NOP9: variants seen among roughly 807,000 people sequenced by gnomAD.
NOP9 encodes nucleolar protein 9.
Under a neutral mutation model 63.0 loss-of-function variants are expected in NOP9, and 50 were observed. That is an observed-to-expected ratio of 0.79 (90% confidence interval 0.63 to 1.00). NOP9 has a LOEUF of 1.00. NOP9 is among the 50% of genes least tolerant of loss of function. The probability of loss-of-function intolerance (pLI) is 0.00; values close to 1 mark genes in which losing one functional copy is unlikely to be tolerated. For synonymous variants in NOP9, 343 were observed against 332.8 expected, an observed-to-expected ratio of 1.03 and a Z score of -0.33; for missense variants, 758 against 803.0, an observed-to-expected ratio of 0.94 and a Z score of 0.68.
At chr14:24,275,058 A>G in the NOP9 span, among the ~76,000 whole-genome samples, 1 of 151,426 alleles carries the variant, frequency 6.6e-6, no homozygotes, top group Non-Finnish European at 1.5e-5. Context: ...GATTACAGGC[A>G]TGCACCACCA....
At position 24,300,142 on chromosome 14, in the gene NOP9, G is replaced by A; in HGVS notation, c.188G>A (p.Gly63Glu). The change falls in exon 1 of 10, where the codon GGA (glycine) becomes GAA (glutamate). Residue 63 changes from glycine to glutamate, a missense_variant. Physicochemically the swap from Gly to Glu is moderately conservative, Grantham distance 98 (BLOSUM62 -2). Coordinates refer to ENST00000267425, the MANE Select transcript of NOP9 (RefSeq NM_174913.3). ...SHPHLSPEALGYFRRALSALK... is the reference protein window; with the variant it reads ...SHPHLSPEALEYFRRALSALK... Reference sequence around the variant, plus strand: ...CCGCACCTGAGCCCGGAAGCTCTGGGATATTTCCGCCGGGCGCTGTCAGCA... The same window carrying A: ...CCGCACCTGAGCCCGGAAGCTCTGGAATATTTCCGCCGGGCGCTGTCAGCA... The A allele has an allele frequency of 6.2e-7, 1 of 1,614,042 alleles. No homozygotes were observed. The highest frequency in any genetic ancestry group is 8.5e-7 in the Non-Finnish European group (1 of 1,180,012).
rs148479739 is a variant in NOP9, at chr14:24,300,451, C to T, written c.291C>T (p.Ala97=). Residue 97 remains alanine, a synonymous_variant, in exon 2 of 10, where the codon GCC becomes GCT. Coordinates refer to ENST00000267425, the MANE Select transcript of NOP9 (RefSeq NM_174913.3). ...HNIMKEVETQ[A]LALSTNRTGS... The stretch of plus-strand genomic sequence containing the variant: ...TAATGAAGGAAGTAGAGACTCAGGC[C>T]CTAGCTTTGTCCACGAACAGGACTG... 9.3e-6 allele frequency: 15 copies of T among 1,614,096 alleles called. No homozygotes were observed. Among genetic ancestry groups the T allele is most frequent in the African/African-American group, 5.3e-5 (4 of 75,028 alleles).
Position 24,305,550 on chromosome 14 carries a change from C to T in NOP9, c.*455C>T. On this transcript the variant is annotated 3_prime_UTR_variant, in exon 10 of 10. Coordinates refer to ENST00000267425, the MANE Select transcript of NOP9 (RefSeq NM_174913.3). ...GGGTGGGTTATCTAGCCTGTACTGTCTGCAGGTCCTGAAATTTGATGCTGT... is the reference window on the plus strand; with the variant it reads ...GGGTGGGTTATCTAGCCTGTACTGTTTGCAGGTCCTGAAATTTGATGCTGT... The T allele has an allele frequency of 6.5e-7, 1 of 1,529,218 alleles. No homozygotes were observed. The highest frequency in any genetic ancestry group is 1.4e-5 in the African/African-American group (1 of 72,578). The allele number at this position is 1,529,218 out of a possible 1,614,324, so 94.7% of individuals were successfully genotyped here.
At chr14:24,278,168 G>A in the NOP9 span, among the ~76,000 whole-genome samples, 2 of 152,204 alleles carry the variant, frequency 1.3e-5, no homozygotes, top group Admixed American at 1.3e-4. Context: ...GAGATACTCA[G>A]TGAAGTCACA....
chr14:24,298,940 C>A, upstream of NOP9: 1 of 1,592,280 alleles, frequency 6.3e-7, no homozygotes, highest in Non-Finnish European at 8.6e-7. Context: ...AACTGTGGTC[C>A]CAGAGGAAGC....
chr14:24,271,312 T>C, the NOP9 span: 11 of 569,302 alleles, frequency 1.9e-5, no homozygotes, highest in African/African-American at 2.1e-4. Context: ...CCACAAGAGG[T>C]GAGCACCCGG....
Position 24,306,470 on chromosome 14 carries a change from ATCC to A in NOP9, c.*1381_*1383del. The A allele has an allele frequency of 6.2e-7, 1 of 1,614,190 alleles. No individual in the cohort carries two copies. The highest frequency in any genetic ancestry group is 8.5e-7 in the Non-Finnish European group (1 of 1,180,024). On this transcript the variant is annotated 3_prime_UTR_variant, in exon 10 of 10. Transcript: ENST00000267425. ...AGTCCTCACTGTCCACTGCAGTTCC[ATCC>A]TCCTCTAGCACCAGGGTTAGCACTC... is the stretch of plus-strand genomic sequence containing the variant.
At position 24,303,803 on chromosome 14, in the gene NOP9, T is replaced by C; in HGVS notation, c.1356T>C (p.Tyr452=). 1.9e-6 allele frequency: 3 copies of C among 1,614,074 alleles called. No individual in the cohort carries two copies. The highest frequency in any genetic ancestry group is 1.7e-6 in the Non-Finnish European group (2 of 1,179,902). The change falls in exon 7 of 10, where the codon TAT becomes TAC. Residue 452 remains tyrosine (Y), a synonymous_variant. Coordinates refer to ENST00000267425, the MANE Select transcript of NOP9 (RefSeq NM_174913.3). The part of the protein sequence containing the change: ...CVPLFATLMA[Y]EVYYGLTEEE... The stretch of plus-strand genomic sequence containing the variant: ...CTCTCTTTGCCACTTTGATGGCTTA[T>C]GAGGTGTACTATGGACTGACGGAGG...
chr14:24,278,221 G>A, the NOP9 span, among the ~76,000 whole-genome samples: 1 of 152,148 alleles, frequency 6.6e-6, no homozygotes, highest in Non-Finnish European at 1.5e-5. Flanking sequence ...CTGGAGGTGG[G>A]GCCAGGTTTG....
At chr14:24,296,679 T>C, upstream of NOP9, 1 of 1,613,504 alleles carries the variant, frequency 6.2e-7, no homozygotes, top group South Asian at 1.1e-5. Flanking sequence ...GGGATGAAGA[T>C]GCAGGGGTCT....
chr14:24,293,940 A>G, the NOP9 span: 1 of 152,254 alleles, frequency 6.6e-6, no homozygotes, highest in East Asian at 1.9e-4. Context: ...AATTAGATAC[A>G]AGTGTATGTG....
At position 24,305,342 on chromosome 14, in the gene NOP9, A is replaced by G; in HGVS notation, c.*247A>G. The stretch of plus-strand genomic sequence containing the variant: ...GCATTGGTAGGGGATTAGATGTAGC[A>G]GCAGTCAGGCTGGGATCAAGATGCC... On this transcript the variant is annotated 3_prime_UTR_variant, in exon 10 of 10. Transcript: ENST00000267425. The G allele has an allele frequency of 1.8e-6, 1 of 560,440 alleles. No individual in the cohort carries two copies. Among genetic ancestry groups the G allele is most frequent in the Non-Finnish European group, 3.0e-6 (1 of 332,426 alleles). 34.7% of individuals were successfully genotyped at this position (560,440 alleles called of 1,614,324 possible).
chr14:24,295,912 T>C (rs1475147538), upstream of NOP9, among the ~76,000 whole-genome samples: 1 of 152,196 alleles, frequency 6.6e-6, no homozygotes, highest in African/African-American at 2.4e-5. Flanking sequence ...ATGACTTGAT[T>C]ATATGAGAGT....
the NOP9 span, chr14:24,291,379 C>T: frequency 2.9e-6 from 3 of 1,047,560 alleles, no homozygotes; most frequent in Non-Finnish European, 4.4e-6. Flanking sequence ...TTCCCAGGAG[C>T]CTGCTCCTAA....
chr14:24,272,263 G>A, the NOP9 span, among the ~76,000 whole-genome samples: 107 of 152,330 alleles, frequency 7.0e-4, 1 homozygote, highest in African/African-American at 6.3e-4. Context: ...TGTCTTGCAA[G>A]CTTAAATAAC....
chr14:24,282,151 C>T, the NOP9 span, among the ~76,000 whole-genome samples: 1 of 152,228 alleles, frequency 6.6e-6, no homozygotes, highest in African/African-American at 2.4e-5. Context: ...AGCGCCACTG[C>T]ACTCCAGCCT....
At chr14:24,277,663 T>C in the NOP9 span, among the ~76,000 whole-genome samples, 14 of 152,346 alleles carry the variant, frequency 9.2e-5, no homozygotes, top group Non-Finnish European at 1.3e-4. Context: ...AGCCTGGCCT[T>C]GTGCTCAGGC....
intron 7 of NOP9, 71 bp from the exon 8 acceptor site, chr14:24,303,970 C>A: frequency 6.4e-7 from 1 of 1,574,398 alleles, no homozygotes; most frequent in Non-Finnish European, 8.7e-7. Context: ...GTGGAGGTGG[C>A]AGTGTTCTGG....
rs1434980915 is a variant in NOP9 at position 24,306,357 on chromosome 14, C to G, written c.*1262C>G. On this transcript the variant is annotated 3_prime_UTR_variant, in exon 10 of 10. Transcript: ENST00000267425. ...AAAGGACAGGCATTGGAAGCAGCCC[C>G]AGTATAGGCCTCTTACCCTTGTAGG... 1 of 1,614,106 alleles carries G rather than the reference C, an allele frequency of 6.2e-7. No individual in the cohort carries two copies. Among genetic ancestry groups the G allele is most frequent in the South Asian group, 1.1e-5 (1 of 91,082 alleles).
Sources: gnomAD v4.1 joint callset for allele counts (sites outside exome capture counted in the v4.1 genomes callset) on GRCh38, gnomAD v4.1.1 for gene constraint, MANE v1.5 for transcripts, NCBI Gene and HGNC (gene_info 2026-07-23, HGNC 2026-07-21) for gene names.